Variants in CCDC60 observed in about 807,000 individuals in gnomAD.
CCDC60 encodes coiled-coil domain-containing protein 60.
A neutral mutation model predicts 63.5 loss-of-function variants in CCDC60; 54 were observed. That is an observed-to-expected ratio of 0.85 (90% CI 0.68 to 1.07). CCDC60 has a LOEUF of 1.07. Among genes scored for constraint, CCDC60 ranks in the 50% least tolerant of loss-of-function variants. The pLI is 0.00. For synonymous variants in CCDC60, 206 were observed against 238.8 expected, an observed-to-expected ratio of 0.86 and a Z score of 1.27; for missense variants, 651 against 684.3, an observed-to-expected ratio of 0.95 and a Z score of 0.54.
At chr12:119,514,320 G>T (rs1447978564) in intron 7 of CCDC60, among the ~76,000 whole-genome samples, 1 of 151,150 alleles carries the variant, frequency 6.6e-6, no homozygotes, top group South Asian at 2.1e-4. Context: ...GGGATTACAG[G>T]CACCTGCCAC....
chr12:119,368,713 A>G (rs1351147680), intron 1 of CCDC60, among the ~76,000 whole-genome samples: 1 of 152,190 alleles, frequency 6.6e-6, no homozygotes, highest in African/African-American at 2.4e-5. Context: ...TTTCCATGTA[A>G]TTAACACAGG....
chr12:119,501,148 CACA>C (rs1261238107), intron 6 of CCDC60, among the ~76,000 whole-genome samples: 3 of 152,198 alleles, frequency 2.0e-5, no homozygotes, highest in Admixed American at 2.0e-4. Flanking sequence ...CTGCCTACCT[CACA>C]ACTTTAGTGA....
At chr12:119,384,991 C>T (rs897694504) in intron 1 of CCDC60, among the ~76,000 whole-genome samples, 8 of 152,232 alleles carry the variant, frequency 5.3e-5, no homozygotes, top group South Asian at 2.1e-4. Context: ...TGCCCTGGCA[C>T]GGGGCTGCAT....
At chr12:119,342,676 A>G (rs903435327) in intron 1 of CCDC60, among the ~76,000 whole-genome samples, 1 of 152,184 alleles carries the variant, frequency 6.6e-6, no homozygotes. Flanking sequence ...ACATTTATTC[A>G]CTCAACTAAC....
At chr12:119,436,153 A>G (rs1950319693) in intron 2 of CCDC60, among the ~76,000 whole-genome samples, 1 of 152,178 alleles carries the variant, frequency 6.6e-6, no homozygotes, top group African/African-American at 2.4e-5. Flanking sequence ...TCTCAGCGGG[A>G]ACAGCTGCAA....
chr12:119,492,664 T>G (rs1951618659), intron 5 of CCDC60, among the ~76,000 whole-genome samples: 1 of 152,202 alleles, frequency 6.6e-6, no homozygotes, highest in African/African-American at 2.4e-5. Context: ...TGAACCCAGA[T>G]GAGTCAAAGC....
intron 1 of CCDC60, among the ~76,000 whole-genome samples, chr12:119,374,729 A>G (rs997541984): frequency 2.0e-5 from 3 of 152,194 alleles, no homozygotes; most frequent in African/African-American, 7.2e-5. Context: ...TTAGTTCTTG[A>G]TTATATGCTA....
intron 1 of CCDC60, among the ~76,000 whole-genome samples, chr12:119,379,541 C>T (rs1955987799): frequency 6.6e-6 from 1 of 152,204 alleles, no homozygotes; most frequent in Non-Finnish European, 1.5e-5. Context: ...CTCATAGCAA[C>T]TCTGAAATAG....
At chr12:119,534,525 C>T (rs1378239550) in intron 13 of CCDC60, among the ~76,000 whole-genome samples, 1 of 152,134 alleles carries the variant, frequency 6.6e-6, no homozygotes, top group Non-Finnish European at 1.5e-5. Context: ...CCGTTTTTGC[C>T]CATTCAGTAT....
At chr12:119,352,129 G>A (rs919035027) in intron 1 of CCDC60, among the ~76,000 whole-genome samples, 17 of 152,288 alleles carry the variant, frequency 1.1e-4, no homozygotes, top group African/African-American at 3.9e-4. Flanking sequence ...GTAGGAGAGA[G>A]AGAAAGTGAA....
intron 7 of CCDC60, among the ~76,000 whole-genome samples, chr12:119,513,893 T>C (rs1952281441): frequency 6.6e-6 from 1 of 152,248 alleles, no homozygotes; most frequent in South Asian, 2.1e-4. Flanking sequence ...CTGGTTTATA[T>C]AAGTACTACA....
At chr12:119,404,779 G>A (rs559371337) in intron 1 of CCDC60, among the ~76,000 whole-genome samples, 28 of 152,220 alleles carry the variant, frequency 1.8e-4, no homozygotes, top group African/African-American at 5.8e-4. Context: ...AGATCTAGAG[G>A]GTCGTGCCCA....
chr12:119,536,315 C>G (rs576176), intron 13 of CCDC60, among the ~76,000 whole-genome samples: 2 of 151,958 alleles, frequency 1.3e-5, no homozygotes, highest in Non-Finnish European at 2.9e-5. Context: ...TGTCTCTGCA[C>G]GTGAGATGGG....
At position 119,445,433 on chromosome 12, in the gene CCDC60, C is replaced by CAAAAAAA. The variant is rs58415660; in HGVS notation, c.170+16688_170+16694dup. 4.9e-3 allele frequency among the ~76,000 whole-genome samples: 132 copies of CAAAAAAA among 27,192 alleles called. 10 individuals are homozygous for CAAAAAAA. The highest frequency in any genetic ancestry group is 0.02 in the African/African-American group (126 of 6,356). 17.8% of individuals were successfully genotyped at this position (27,192 alleles called of 152,430 possible). A position where few individuals can be genotyped will look rare whatever the true frequency, so the allele number is the denominator to read the frequency against. ...TGAGTGACAGAGCGAGACTCCATCT[C>CAAAAAAA]AAAAAAAAAAAAAAAAAAAAAAAGG... On this transcript the variant is annotated intron_variant, in intron 2 of 13. Transcript: ENST00000327554.
chr12:119,525,500 C>G (rs1477115508), intron 11 of CCDC60, among the ~76,000 whole-genome samples: 1 of 152,114 alleles, frequency 6.6e-6, no homozygotes, highest in Non-Finnish European at 1.5e-5. Context: ...ATTCAACATT[C>G]TTAAAGAAAA....
At chr12:119,462,131 G>C (rs184514740) in intron 2 of CCDC60, among the ~76,000 whole-genome samples, 3 of 152,296 alleles carry the variant, frequency 2.0e-5, no homozygotes, top group East Asian at 1.9e-4. Context: ...TTGCTTGCTA[G>C]GTTTCTCAAA....
At chr12:119,434,991 A>G (rs1428841398) in intron 2 of CCDC60, among the ~76,000 whole-genome samples, 4 of 152,242 alleles carry the variant, frequency 2.6e-5, no homozygotes, top group Non-Finnish European at 4.4e-5. Context: ...CTATGGTGAA[A>G]GATGACAATG....
At chr12:119,468,046 GGGTGGGTC>G (rs1230208091) in intron 2 of CCDC60, among the ~76,000 whole-genome samples, 2 of 151,892 alleles carry the variant, frequency 1.3e-5, no homozygotes, top group African/African-American at 2.4e-5. Flanking sequence ...AGGCCGAGGT[GGGTGGGTC>G]ATAAGATCAG....
At chr12:119,510,121 A>C (rs1038270629) in intron 7 of CCDC60, among the ~76,000 whole-genome samples, 1 of 152,048 alleles carries the variant, frequency 6.6e-6, no homozygotes, top group Non-Finnish European at 1.5e-5. Context: ...GCCTTTACCC[A>C]CTTACTTTTC....
Sources: gnomAD v4.1 joint callset for allele counts (sites outside exome capture counted in the v4.1 genomes callset) on GRCh38, gnomAD v4.1.1 for gene constraint, MANE v1.5 for transcripts, NCBI Gene and HGNC (gene_info 2026-07-23, HGNC 2026-07-21) for gene names.